The following BTG4 variants were observed in gnomAD, a reference collection of about 807,000 sequenced individuals.
BTG4 encodes the protein protein BTG4.
A neutral mutation model predicts 19.3 loss-of-function variants in BTG4; 10 were observed. That is an observed-to-expected ratio of 0.52 (90% confidence interval 0.32 to 0.88). The LOEUF is 0.88. Ranked by LOEUF, BTG4 falls within the 40% of genes least tolerant of loss-of-function variation. The pLI is 0.04. For synonymous variants in BTG4, 91 were observed against 95.7 expected, an observed-to-expected ratio of 0.95 and a Z score of 0.29; for missense variants, 238 against 281.9, an observed-to-expected ratio of 0.84 and a Z score of 1.11.
intron 5 of BTG4, among the ~76,000 whole-genome samples, chr11:111,482,451 G>A (rs1864797851): frequency 6.6e-6 from 1 of 151,982 alleles, no homozygotes; most frequent in Non-Finnish European, 1.5e-5. Context: ...ATATAGACAA[G>A]ATCATTCCAA....
At chr11:111,397,101 TC>T in the BTG4 span, 3 of 152,202 alleles carry the variant, frequency 2.0e-5, no homozygotes, top group African/African-American at 7.2e-5. Flanking sequence ...TTAGTTCGTT[TC>T]CTATTTTCCC....
the BTG4 span, among the ~76,000 whole-genome samples, chr11:111,400,070 G>A: frequency 6.6e-6 from 1 of 152,104 alleles, no homozygotes; most frequent in Non-Finnish European, 1.5e-5. Flanking sequence ...TCTGTTACTG[G>A]GGAGGTCAGA....
At chr11:111,416,833 A>G in the BTG4 span, 1 of 152,238 alleles carries the variant, frequency 6.6e-6, no homozygotes, top group Admixed American at 6.5e-5. Flanking sequence ...GCCTGAGCAG[A>G]TGAAAAACTC....
the BTG4 span, among the ~76,000 whole-genome samples, chr11:111,458,957 A>G: frequency 1.3e-5 from 2 of 152,162 alleles, no homozygotes; most frequent in Non-Finnish European, 2.9e-5. Flanking sequence ...AATCGTGCAT[A>G]CTGGCCGGGC....
At chr11:111,426,562 C>G in the BTG4 span, among the ~76,000 whole-genome samples, 1 of 152,074 alleles carries the variant, frequency 6.6e-6, no homozygotes, top group African/African-American at 2.4e-5. Context: ...TTCTAGCACA[C>G]CTTGGGCTCT....
At position 111,504,189 on chromosome 11, in the gene BTG4, T is replaced by G. The variant is rs186792966; in HGVS notation, c.-26-5387A>C. 6.6e-5 allele frequency among the ~76,000 whole-genome samples: 10 copies of G among 152,228 alleles called. 1 individual carries two copies. The highest frequency in any genetic ancestry group is 2.4e-4 in the African/African-American group (10 of 41,572). On this transcript the variant is annotated intron_variant, in intron 1 of 4. Transcript: ENST00000692032. ...AAGTCCACTTCTGACAGAAAGTATT[T>G]TTTTAACAACAGCAAGCAAGTAGCA...
At chr11:111,468,201 A>C (rs187895611) in intron 5 of BTG4, among the ~76,000 whole-genome samples, 1 of 152,342 alleles carries the variant, frequency 6.6e-6, no homozygotes, top group Non-Finnish European at 1.5e-5. Context: ...CTACTCACAT[A>C]TGGTACTCTC....
chr11:111,436,597 A>C, the BTG4 span, among the ~76,000 whole-genome samples: 1 of 150,888 alleles, frequency 6.6e-6, no homozygotes, highest in African/African-American at 2.4e-5. Flanking sequence ...ATTGCACTCC[A>C]GCCTGGGCAA....
At chr11:111,497,926 T>G (rs528046659) in intron 3 of BTG4, 72 bp downstream of exon 3, 13 of 1,504,594 alleles carry the variant, frequency 8.6e-6, no homozygotes, top group Non-Finnish European at 1.2e-5. Flanking sequence ...TCATCTTTCA[T>G]GAAGGTATGT....
At chr11:111,509,911 CTT>C (rs1450409427) in intron 1 of BTG4, among the ~76,000 whole-genome samples, 4 of 114,704 alleles carry the variant, frequency 3.5e-5, no homozygotes, top group Non-Finnish European at 7.4e-5. Context: ...TTTCTTTTTT[CTT>C]TTTTTTTTTT....
intron 1 of BTG4, among the ~76,000 whole-genome samples, chr11:111,501,787 T>C (rs888684008): frequency 6.6e-6 from 1 of 152,210 alleles, no homozygotes; most frequent in Non-Finnish European, 1.5e-5. Flanking sequence ...CCAAAGTACA[T>C]ACAACTATTA....
At chr11:111,443,828 G>A in the BTG4 span, among the ~76,000 whole-genome samples, 1 of 152,180 alleles carries the variant, frequency 6.6e-6, no homozygotes, top group Non-Finnish European at 1.5e-5. Flanking sequence ...TGGTCTTTAG[G>A]TATGGGCATA....
chr11:111,447,838 C>T, the BTG4 span, among the ~76,000 whole-genome samples: 2 of 152,172 alleles, frequency 1.3e-5, no homozygotes, highest in African/African-American at 2.4e-5. Flanking sequence ...GGCTGCCCTT[C>T]CTGGGCATTT....
chr11:111,426,574 C>T, the BTG4 span, among the ~76,000 whole-genome samples: 83,872 of 151,786 alleles, frequency 0.55, 24,633 homozygotes, highest in East Asian at 0.7. Context: ...TTGGGCTCTC[C>T]TCTCACAGTG....
the BTG4 span, among the ~76,000 whole-genome samples, chr11:111,438,346 C>CCAGG: frequency 2.2e-4 from 34 of 152,210 alleles, no homozygotes; most frequent in African/African-American, 7.2e-4. Flanking sequence ...ACCATGTGAG[C>CCAGG]CAGGGCACAC....
intron 5 of BTG4, among the ~76,000 whole-genome samples, chr11:111,483,705 A>T (rs981400575): frequency 6.6e-6 from 1 of 152,164 alleles, no homozygotes; most frequent in Non-Finnish European, 1.5e-5. Context: ...AATAAAAAAG[A>T]AGCACACCTA....
chr11:111,392,519 C>T, the BTG4 span, among the ~76,000 whole-genome samples: 3,215 of 152,206 alleles, frequency 0.021, 123 homozygotes, highest in African/African-American at 0.073. Context: ...AATCACCATT[C>T]CCAGGGTTTC....
chr11:111,482,312 T>C lies in BTG4; in HGVS notation c.662+12851A>G, dbSNP rs151031259. Among the ~76,000 whole-genome samples, 246 of 152,196 alleles carry C rather than the reference T, an allele frequency of 1.6e-3. 1 individual carries two copies. Among genetic ancestry groups the C allele is most frequent in the Non-Finnish European group, 2.2e-3 (151 of 67,954 alleles). ...ACACACACACACGAAGAAATTGATC[T>C]AAATAAATGGAGAAACATATTGTGT... On this transcript the variant is annotated intron_variant, in intron 5 of 5. Coordinates refer to the BTG4 transcript ENST00000356018.
the BTG4 span, chr11:111,454,085 C>A: frequency 3.1e-6 from 1 of 319,702 alleles, no homozygotes; most frequent in African/African-American, 2.2e-5. Context: ...CTCAGTAGCA[C>A]TGATGCTCCT....
Sources: gnomAD v4.1 joint callset for allele counts (sites outside exome capture counted in the v4.1 genomes callset) on GRCh38, gnomAD v4.1.1 for gene constraint, MANE v1.5 for transcripts, NCBI Gene and HGNC (gene_info 2026-07-23, HGNC 2026-07-21) for gene names.